SLC2A14: variants seen among roughly 807,000 people sequenced by gnomAD.
SLC2A14 encodes solute carrier family 2, facilitated glucose transporter member 14.
Under a neutral mutation model 43.0 loss-of-function variants are expected in SLC2A14, and 13 were observed. That is an observed-to-expected ratio of 0.30 (90% CI 0.20 to 0.48). The LOEUF is 0.48. SLC2A14 is among the 20% of genes least tolerant of loss of function. The pLI is 0.99. For synonymous variants in SLC2A14, 190 were observed against 233.8 expected (o/e 0.81, Z 1.71); for missense variants, 428 against 620.4 (o/e 0.69, Z 3.29).
intron 7 of SLC2A14, among the ~76,000 whole-genome samples, chr12:7,824,065 G>C (rs373884669): frequency 2.0e-5 from 3 of 152,200 alleles, no homozygotes; most frequent in South Asian, 4.2e-4. Context: ...AGGCCAGGCT[G>C]ACCAACAAGG....
intron 2 of SLC2A14, among the ~76,000 whole-genome samples, chr12:7,854,566 CT>C (rs2120949870): frequency 1.3e-5 from 2 of 152,200 alleles, no homozygotes; most frequent in South Asian, 4.2e-4. Context: ...AGTGCAATGG[CT>C]CACAATGGAG....
chr12:7,814,960 T>C (rs1200648507), intron 10 of SLC2A14, among the ~76,000 whole-genome samples: 2 of 151,950 alleles, frequency 1.3e-5, no homozygotes, highest in Non-Finnish European at 2.9e-5. Flanking sequence ...CCAGCACGCC[T>C]GGCTAATTTT....
chr12:7,878,900 C>T (rs1945511541), intron 1 of SLC2A14, among the ~76,000 whole-genome samples: 1 of 131,194 alleles, frequency 7.6e-6, no homozygotes, highest in Non-Finnish European at 1.5e-5. Context: ...TCACTTGAAC[C>T]AGGGAGTCGG....
intron 2 of SLC2A14, among the ~76,000 whole-genome samples, chr12:7,851,146 C>G (rs1259730184): frequency 6.6e-6 from 1 of 152,116 alleles, no homozygotes; most frequent in Admixed American, 6.5e-5. Context: ...TCAGCACAGA[C>G]TGTGGTACAG....
At chr12:7,821,416 C>A in intron 7 of SLC2A14, 91 bp from the exon 8 acceptor site, 1 of 1,160,144 alleles carries the variant, frequency 8.6e-7, no homozygotes. Context: ...AGCGTGGTTG[C>A]ACAGGCCTGT....
intron 2 of SLC2A14, among the ~76,000 whole-genome samples, chr12:7,869,125 C>T (rs776213350): frequency 6.8e-6 from 1 of 146,320 alleles, no homozygotes; most frequent in African/African-American, 2.5e-5. Flanking sequence ...GCCTGGGCAA[C>T]AAGAGTGAAA....
In SLC2A14 at chr12:7,816,153, G is replaced by A. The variant is rs1417684391; in HGVS notation, c.1276-1619C>T. Among the ~76,000 whole-genome samples, 33 of 111,068 alleles carry A rather than the reference G, an allele frequency of 3.0e-4. 10 individuals are homozygous for A. The highest frequency in any genetic ancestry group is 1.1e-3 in the African/African-American group (31 of 27,536). The allele number at this position is 111,068 out of a possible 152,430, so 72.9% of individuals were successfully genotyped here. ...CGCTCTGTCGCCCAGGCCGGACTGC[G>A]GACTGCAGTGGCGCAATCTCGGCTC... On this transcript the variant is annotated intron_variant, in intron 10 of 10. Coordinates refer to ENST00000431042, the MANE Select transcript of SLC2A14 (RefSeq NM_001286234.2).
chr12:7,842,124 T>C (rs1237483457), intron 2 of SLC2A14, among the ~76,000 whole-genome samples: 1 of 152,170 alleles, frequency 6.6e-6, no homozygotes, highest in Admixed American at 6.5e-5. Flanking sequence ...CAGAATGTCA[T>C]ACAGTTGGAG....
intron 1 of SLC2A14, among the ~76,000 whole-genome samples, chr12:7,878,989 A>AAC (rs1272778851): frequency 1.1e-5 from 1 of 91,882 alleles, no homozygotes; most frequent in African/African-American, 4.1e-5. Flanking sequence ...AAAAAAAAAA[A>AAC]AAAAAAAAAA....
upstream of SLC2A14, among the ~76,000 whole-genome samples, chr12:7,878,045 T>G (rs1459106315): frequency 1.3e-5 from 2 of 151,792 alleles, no homozygotes; most frequent in African/African-American, 4.8e-5. Context: ...CCGGCCTTAT[T>G]GTTTTTTATT....
chr12:7,870,735 C>CA (rs1306215302), intron 1 of SLC2A14: 108 of 516,226 alleles, frequency 2.1e-4, no homozygotes, highest in East Asian at 3.6e-4. Flanking sequence ...AAAGTCAAAC[C>CA]AAAAAAAACC....
At chr12:7,878,917 C>T (rs1468268831) in intron 1 of SLC2A14, among the ~76,000 whole-genome samples, 4 of 122,424 alleles carry the variant, frequency 3.3e-5, no homozygotes, top group African/African-American at 1.2e-4. Context: ...TCGGAGGTTG[C>T]AGTAAGCTGA....
At chr12:7,867,476 G>A (rs1361200995) in intron 2 of SLC2A14, among the ~76,000 whole-genome samples, 4 of 151,984 alleles carry the variant, frequency 2.6e-5, no homozygotes, top group Non-Finnish European at 5.9e-5. Flanking sequence ...AGTGGAACCC[G>A]AAGATGAGAC....
At chr12:7,841,539 G>A (rs1314975142) in intron 2 of SLC2A14, among the ~76,000 whole-genome samples, 1 of 152,154 alleles carries the variant, frequency 6.6e-6, no homozygotes, top group African/African-American at 2.4e-5. Flanking sequence ...AGGATTACAG[G>A]CGTGAGCCAG....
At chr12:7,836,403 G>A (rs1379229584) in intron 2 of SLC2A14, among the ~76,000 whole-genome samples, 1 of 151,064 alleles carries the variant, frequency 6.6e-6, no homozygotes, top group Non-Finnish European at 1.5e-5. Flanking sequence ...TGTATTTTTA[G>A]TAGAGACAGG....
Position 7,814,545 on chromosome 12 carries a change from G to C in SLC2A14, c.1276-11C>G. 1.2e-6 allele frequency: 2 copies of C among 1,600,784 alleles called. No homozygotes were observed. Among genetic ancestry groups the C allele is most frequent in the Non-Finnish European group, 1.7e-6 (2 of 1,175,850 alleles). The stretch of plus-strand genomic sequence containing the variant: ...GGCTCCTAAATAGTACTAGTGAAAG[G>C]ACAGAAAAAAGGAAGGTTGATATAA... On this transcript the variant is annotated splice_polypyrimidine_tract_variant and intron_variant, in intron 10 of 10. Transcript: ENST00000431042.
At chr12:7,888,432 G>A (rs999509564) in intron 1 of SLC2A14, among the ~76,000 whole-genome samples, 30 of 152,194 alleles carry the variant, frequency 2.0e-4, no homozygotes, top group African/African-American at 7.2e-4. Context: ...GCATGCAAAA[G>A]CAATACGATT....
chr12:7,882,477 GCCC>G (rs1213391098), intron 1 of SLC2A14, among the ~76,000 whole-genome samples: 4 of 152,036 alleles, frequency 2.6e-5, no homozygotes, highest in Non-Finnish European at 5.9e-5. Flanking sequence ...CTGACACAGC[GCCC>G]CTCCACTCCA....
upstream of SLC2A14, among the ~76,000 whole-genome samples, chr12:7,873,746 C>T (rs1945356885): frequency 6.6e-6 from 1 of 152,104 alleles, no homozygotes; most frequent in African/African-American, 2.4e-5. Context: ...TCTCCACCTC[C>T]TGGAAAAGAC....
Sources: gnomAD v4.1 joint callset for allele counts (sites outside exome capture counted in the v4.1 genomes callset) on GRCh38, gnomAD v4.1.1 for gene constraint, MANE v1.5 for transcripts, NCBI Gene and HGNC (gene_info 2026-07-23, HGNC 2026-07-21) for gene names.